The following VOPP1 variants were observed in gnomAD, a reference collection of about 807,000 sequenced individuals.
VOPP1 encodes VOPP1 WW domain binding protein, also known as WW domain binding protein VOPP1.
In VOPP1, 8 loss-of-function variants were observed where a neutral mutation model predicts 23.5. The ratio of observed to expected loss-of-function variants is 0.34; its 90% CI spans 0.20 to 0.61. The LOEUF (loss-of-function observed/expected upper bound fraction) is 0.61, where lower values mean the gene tolerates loss of function less well. Ranked by LOEUF, VOPP1 falls within the 20% of genes least tolerant of loss-of-function variation. VOPP1 has a pLI of 0.78. For synonymous variants in VOPP1, 83 were observed against 97.3 expected, an observed-to-expected ratio of 0.85 and a Z score of 0.86; for missense variants, 174 against 238.1, an observed-to-expected ratio of 0.73 and a Z score of 1.77.
At chr7:55,517,021 CCT>C (rs1165877679) in intron 2 of VOPP1, among the ~76,000 whole-genome samples, 2 of 135,026 alleles carry the variant, frequency 1.5e-5, no homozygotes, top group Non-Finnish European at 3.0e-5. Context: ...CTCACTGCAA[CCT>C]CTGTCTCTGG....
chr7:55,454,610 T>C (rs1178288415), intron 4 of VOPP1, among the ~76,000 whole-genome samples: 1 of 152,222 alleles, frequency 6.6e-6, no homozygotes, highest in Non-Finnish European at 1.5e-5. Context: ...CATGATCAAG[T>C]TGGCTTCATC....
chr7:55,474,554 C>T (rs1792091076), intron 4 of VOPP1, among the ~76,000 whole-genome samples: 1 of 152,182 alleles, frequency 6.6e-6, no homozygotes, highest in Admixed American at 6.5e-5. Context: ...AGAAAAGGCC[C>T]TAGGTTCTGC....
chr7:55,467,118 C>A (rs140845541), downstream of VOPP1, among the ~76,000 whole-genome samples: 92 of 152,312 alleles, frequency 6.0e-4, no homozygotes, highest in African/African-American at 2.2e-3. Context: ...GCTGATCAGA[C>A]AGGAGACAGA....
chr7:55,541,085 A>G (rs1294412739), intron 1 of VOPP1, among the ~76,000 whole-genome samples: 1 of 152,244 alleles, frequency 6.6e-6, no homozygotes, highest in Non-Finnish European at 1.5e-5. Flanking sequence ...CTTACCGCTC[A>G]ATATCAAAAA....
At chr7:55,540,849 A>C (rs1184622040) in intron 1 of VOPP1, among the ~76,000 whole-genome samples, 6 of 152,236 alleles carry the variant, frequency 3.9e-5, no homozygotes, top group Non-Finnish European at 8.8e-5. Context: ...TGTCTGGCTT[A>C]GATCTCAAAA....
chr7:55,536,502 C>G (rs1388344040), intron 1 of VOPP1, among the ~76,000 whole-genome samples: 1 of 152,124 alleles, frequency 6.6e-6, no homozygotes, highest in African/African-American at 2.4e-5. Flanking sequence ...GCTCTGCAGC[C>G]TGGGTGAGAG....
At chr7:55,527,987 A>G (rs1796287589) in intron 1 of VOPP1, among the ~76,000 whole-genome samples, 1 of 152,206 alleles carries the variant, frequency 6.6e-6, no homozygotes, top group African/African-American at 2.4e-5. Flanking sequence ...AAAATGCCTC[A>G]AGAAGACAAT....
At chr7:55,558,966 A>C (rs1232377083) in intron 1 of VOPP1, among the ~76,000 whole-genome samples, 1 of 152,230 alleles carries the variant, frequency 6.6e-6, no homozygotes, top group African/African-American at 2.4e-5. Flanking sequence ...GAAAAGTTTA[A>C]TACCATCCTG....
chr7:55,460,352 A>C (rs1791468599), intron 4 of VOPP1, among the ~76,000 whole-genome samples: 1 of 152,228 alleles, frequency 6.6e-6, no homozygotes. Context: ...TTTTGGATAA[A>C]ATAAAATGTT....
At chr7:55,479,438 T>C in intron 4 of VOPP1, among the ~76,000 whole-genome samples, 1 of 152,148 alleles carries the variant, frequency 6.6e-6, no homozygotes, top group East Asian at 1.9e-4. Flanking sequence ...CTGAGCTTTC[T>C]AGTTTGGTTT....
intron 4 of VOPP1, among the ~76,000 whole-genome samples, chr7:55,473,738 G>A (rs975668033): frequency 1.3e-5 from 2 of 152,192 alleles, no homozygotes; most frequent in Non-Finnish European, 2.9e-5. Context: ...TAACACTATA[G>A]AATTATGCAT....
chr7:55,521,780 C>T (rs1795881373), intron 1 of VOPP1: 3 of 985,462 alleles, frequency 3.0e-6, no homozygotes, highest in African/African-American at 3.5e-5. Context: ...ACACAGGCAT[C>T]GGAGCAGGGG....
intron 4 of VOPP1, among the ~76,000 whole-genome samples, chr7:55,475,117 G>A (rs895245361): frequency 2.0e-5 from 3 of 152,190 alleles, no homozygotes; most frequent in African/African-American, 7.2e-5. Context: ...AGGCACGCAG[G>A]GCAAGAGAAG....
chr7:55,468,042 G>A (rs554415440), downstream of VOPP1, among the ~76,000 whole-genome samples: 2 of 152,308 alleles, frequency 1.3e-5, no homozygotes, highest in East Asian at 3.9e-4. Context: ...GGGAGGCCGA[G>A]GCGGGCGGAT....
intron 2 of VOPP1, among the ~76,000 whole-genome samples, chr7:55,498,061 C>T (rs1400973700): frequency 6.6e-6 from 1 of 152,256 alleles, no homozygotes; most frequent in Non-Finnish European, 1.5e-5. Context: ...TGGTGCTCAT[C>T]CCTGCTGTCT....
intron 1 of VOPP1, chr7:55,521,716 G>A: frequency 1.0e-6 from 1 of 987,092 alleles, no homozygotes; most frequent in Non-Finnish European, 1.2e-6. Flanking sequence ...CCCGGAGGCA[G>A]GGCCCAGCCC....
chr7:55,490,322 A>T (rs1793475234), intron 4 of VOPP1, among the ~76,000 whole-genome samples: 1 of 152,166 alleles, frequency 6.6e-6, no homozygotes. Flanking sequence ...GGATTCTCCC[A>T]GACAGATGGA....
chr7:55,442,652 CAA>C (rs11302671), intron 4 of VOPP1, among the ~76,000 whole-genome samples: 114 of 139,392 alleles, frequency 8.2e-4, no homozygotes, highest in Admixed American at 2.7e-3. Context: ...TGAAGTAGAC[CAA>C]AAAAAAAAAA....
chr7:55,567,785 C>A (rs1798211307), intron 1 of VOPP1, among the ~76,000 whole-genome samples: 1 of 152,162 alleles, frequency 6.6e-6, no homozygotes, highest in Non-Finnish European at 1.5e-5. Context: ...CTGCAGGATT[C>A]TTTTTCATTC....
Sources: allele counts gnomAD v4.1 joint callset (sites outside exome capture counted in the v4.1 genomes callset), GRCh38; gene constraint gnomAD v4.1.1; transcripts MANE v1.5; gene names NCBI Gene and HGNC (gene_info 2026-07-23, HGNC 2026-07-21).